The following C10orf90 variants were observed in gnomAD, a reference collection of about 807,000 sequenced individuals.
The protein encoded by C10orf90 is (E2-independent) E3 ubiquitin-conjugating enzyme FATS.
Under a neutral mutation model 62.5 loss-of-function variants are expected in C10orf90, and 56 were observed. The ratio of observed to expected loss-of-function variants is 0.90; its 90% CI spans 0.72 to 1.12. C10orf90 has a LOEUF of 1.12. Ranked by LOEUF, C10orf90 falls within the 50% of genes most tolerant of loss-of-function variation. The pLI, the probability that C10orf90 is intolerant of heterozygous loss-of-function variation, is 0.00. For missense variants in C10orf90, 970 were observed against 880.4 expected, an observed-to-expected ratio of 1.10 and a Z score of -1.29; for synonymous variants, 386 against 340.4, an observed-to-expected ratio of 1.13 and a Z score of -1.47.
intron 2 of C10orf90, among the ~76,000 whole-genome samples, chr10:126,530,522 G>GGA (rs778585360): frequency 9.9e-5 from 15 of 151,232 alleles, no homozygotes; most frequent in Non-Finnish European, 1.5e-5. Flanking sequence ...TTACCAAAAT[G>GGA]ATACAATATG....
intron 3 of C10orf90, among the ~76,000 whole-genome samples, chr10:126,512,396 G>GTA (rs1564847167): frequency 0.021 from 385 of 18,566 alleles, 5 homozygotes; most frequent in African/African-American, 0.039. Context: ...CTGTGTGTGT[G>GTA]TGTGTGTCTG....
Position 126,620,987 on chromosome 10 carries a change from C to T in C10orf90, c.313+25578G>A, listed in dbSNP as rs796715373. 1.1e-4 allele frequency among the ~76,000 whole-genome samples: 16 copies of T among 152,268 alleles called. 1 individual carries two copies. Among genetic ancestry groups the T allele is most frequent in the African/African-American group, 3.6e-4 (15 of 41,558 alleles). On this transcript the variant is annotated intron_variant, in intron 2 of 9. Coordinates refer to ENST00000488181, the MANE Select transcript of C10orf90 (RefSeq NM_001350921.2). ...AAGAATTATAGCATGTTTTATATTA[C>T]TGCAACCTCTTCATAACTTCCATTT...
At chr10:126,549,838 CA>C (rs1864587899) in intron 2 of C10orf90, among the ~76,000 whole-genome samples, 2 of 151,142 alleles carry the variant, frequency 1.3e-5, no homozygotes, top group Non-Finnish European at 2.9e-5. Context: ...GGACGCTCAA[CA>C]AAAATAGACT....
intron 2 of C10orf90, among the ~76,000 whole-genome samples, chr10:126,591,200 G>A (rs1844972314): frequency 6.6e-6 from 1 of 152,124 alleles, no homozygotes; most frequent in Non-Finnish European, 1.5e-5. Context: ...ATGTTATGAG[G>A]CCAGCATCGT....
chr10:126,641,471 G>A (rs757338565), intron 2 of C10orf90, among the ~76,000 whole-genome samples: 2 of 151,916 alleles, frequency 1.3e-5, no homozygotes, highest in South Asian at 2.1e-4. Context: ...CACGCCCCCC[G>A]CCATCCGCCC....
chr10:126,608,992 C>T (rs572285293), intron 2 of C10orf90, among the ~76,000 whole-genome samples: 7 of 152,178 alleles, frequency 4.6e-5, no homozygotes, highest in African/African-American at 7.2e-5. Flanking sequence ...AACTTAGAAA[C>T]CCACTGGCTT....
intron 7 of C10orf90, among the ~76,000 whole-genome samples, chr10:126,452,188 A>G (rs1330463971): frequency 6.6e-6 from 1 of 152,162 alleles, no homozygotes; most frequent in Non-Finnish European, 1.5e-5. Context: ...ACAAATATAT[A>G]CGACTTTTAT....
At chr10:126,458,885 A>T (rs1024737851) in intron 7 of C10orf90, among the ~76,000 whole-genome samples, 155 bp downstream of exon 7, 7 of 152,156 alleles carry the variant, frequency 4.6e-5, no homozygotes, top group African/African-American at 2.4e-5. Flanking sequence ...CAAGAACAGG[A>T]TTTATGATGC....
chr10:126,662,968 C>G (rs1240497188), intron 1 of C10orf90, among the ~76,000 whole-genome samples: 1 of 152,242 alleles, frequency 6.6e-6, no homozygotes, highest in Non-Finnish European at 1.5e-5. Context: ...TGATAAGCCT[C>G]TTTGTCCTCT....
intron 4 of C10orf90, among the ~76,000 whole-genome samples, chr10:126,495,627 G>A (rs1274135578): frequency 1.3e-5 from 2 of 152,104 alleles, no homozygotes; most frequent in Non-Finnish European, 2.9e-5. Context: ...ACCAAAATTA[G>A]CTATTATTGA....
intron 4 of C10orf90, among the ~76,000 whole-genome samples, chr10:126,466,476 T>G (rs2133748955): frequency 6.6e-6 from 1 of 152,278 alleles, no homozygotes; most frequent in East Asian, 1.9e-4. Context: ...TCTCATCAAT[T>G]TCTCAGAAGT....
intron 2 of C10orf90, chr10:126,521,385 T>C (rs1196595949): frequency 1.2e-6 from 2 of 1,611,712 alleles, no homozygotes; most frequent in Admixed American, 1.7e-5. Context: ...AAGGATGTAT[T>C]TGGCGACATG....
In C10orf90 at chr10:126,461,434, A is replaced by G; in HGVS notation, c.1977T>C (p.Ser659=). 2 of 1,614,144 alleles carry G rather than the reference A, an allele frequency of 1.2e-6. No homozygotes were observed. The highest frequency in any genetic ancestry group is 1.7e-6 in the Non-Finnish European group (2 of 1,179,994). Residue 659 remains serine (S), a synonymous_variant, in exon 6 of 10, where the codon TCT becomes TCC. Coordinates refer to ENST00000488181, the MANE Select transcript of C10orf90 (RefSeq NM_001350921.2). ...SPGLSEDCSE[S]QQTPARSLTL... Reference sequence around the variant, plus strand: ...TCAAAGATCTTGCAGGCGTTTGCTGAGACTCAGAACAGTCTTCGGACAGGC... The same window carrying G: ...TCAAAGATCTTGCAGGCGTTTGCTGGGACTCAGAACAGTCTTCGGACAGGC...
intron 4 of C10orf90, among the ~76,000 whole-genome samples, chr10:126,468,431 C>T (rs1398691870): frequency 1.3e-5 from 2 of 152,180 alleles, no homozygotes; most frequent in Admixed American, 6.5e-5. Flanking sequence ...CCAGAGGAGG[C>T]TTCAGCAGGT....
At chr10:126,434,837 G>A (rs1265555412) in intron 7 of C10orf90, among the ~76,000 whole-genome samples, 2 of 152,158 alleles carry the variant, frequency 1.3e-5, no homozygotes, top group Non-Finnish European at 2.9e-5. Flanking sequence ...GAACATTTCT[G>A]TTCAGCTCAC....
At chr10:126,468,636 C>T (rs1860414692) in intron 4 of C10orf90, among the ~76,000 whole-genome samples, 1 of 152,152 alleles carries the variant, frequency 6.6e-6, no homozygotes, top group Non-Finnish European at 1.5e-5. Context: ...TTCCTGACCT[C>T]ACCAAGTTCA....
At chr10:126,455,828 C>T (rs1859526008) in intron 7 of C10orf90, among the ~76,000 whole-genome samples, 1 of 152,194 alleles carries the variant, frequency 6.6e-6, no homozygotes, top group Non-Finnish European at 1.5e-5. Context: ...GCACTCTTCC[C>T]CTGGTCTCAA....
intron 2 of C10orf90, among the ~76,000 whole-genome samples, chr10:126,590,365 G>T (rs1844955148): frequency 6.6e-6 from 1 of 152,050 alleles, no homozygotes; most frequent in African/African-American, 2.4e-5. Context: ...AGAATTATCT[G>T]CCCCCAAGCA....
intron 7 of C10orf90, among the ~76,000 whole-genome samples, chr10:126,447,117 AG>A (rs1858834774): frequency 6.6e-6 from 1 of 152,158 alleles, no homozygotes; most frequent in Admixed American, 6.5e-5. Flanking sequence ...AAATGAACAA[AG>A]GATCTAAAAA....
Sources: gnomAD v4.1 joint callset for allele counts (sites outside exome capture counted in the v4.1 genomes callset) on GRCh38, gnomAD v4.1.1 for gene constraint, MANE v1.5 for transcripts, NCBI Gene and HGNC (gene_info 2026-07-23, HGNC 2026-07-21) for gene names.